Variants in ZNF318 observed in about 807,000 individuals in gnomAD.
ZNF318 encodes zinc finger protein 318.
A neutral mutation model predicts 124.2 loss-of-function variants in ZNF318; 51 were observed. That is an observed-to-expected ratio of 0.41 (90% CI 0.33 to 0.52). ZNF318 has a LOEUF of 0.52. Among genes scored for constraint, ZNF318 ranks in the 20% least tolerant of loss-of-function variants. The pLI, the probability that ZNF318 is intolerant of heterozygous loss-of-function variation, is 0.23. For missense variants in ZNF318, 2,815 were observed against 2,811.2 expected, an observed-to-expected ratio of 1.00 and a Z score of -0.03; for synonymous variants, 1,090 against 1,040.7, an observed-to-expected ratio of 1.05 and a Z score of -0.91.
chr6:43,350,059 G>A (rs1364697616), intron 5 of ZNF318, among the ~76,000 whole-genome samples: 2 of 152,164 alleles, frequency 1.3e-5, no homozygotes, highest in African/African-American at 4.8e-5. Context: ...AGACCAACCT[G>A]GCCAACAGGG....
chr6:43,348,511 T>G lies in ZNF318; in HGVS notation c.2885A>C (p.Glu962Ala). Residue 962 changes from glutamate (E) to alanine (A), a missense_variant, in exon 6 of 10, where the codon GAG becomes GCG. Around this residue, in one of 4 missense-constraint regions of ZNF318, gnomAD observed 1,377 missense variants for 1,353.5 expected, o/e 1.02. Coordinates refer to ENST00000361428, the MANE Select transcript of ZNF318 (RefSeq NM_014345.3). ...IMKDIAELRQ[E>A]AEEAEKKQSE... is the part of the protein sequence containing the mutation. ...TTGCTTCTTTTCTGCCTCTTCTGCCTCTTGCCGTAGCTCTGCAATGTCCTT... is the reference window on the plus strand; with the variant it reads ...TTGCTTCTTTTCTGCCTCTTCTGCCGCTTGCCGTAGCTCTGCAATGTCCTT... 6.2e-7 allele frequency: 1 copy of G among 1,614,220 alleles called. No homozygotes were observed. The highest frequency in any genetic ancestry group is 8.5e-7 in the Non-Finnish European group (1 of 1,180,038).
rs1355822275 is a variant in ZNF318 at position 43,337,056 on chromosome 6, G to C, written c.*102C>G. The stretch of plus-strand genomic sequence containing the variant: ...CTTTAAGATGCTGACTGCATCTCTT[G>C]GTGTAGGTTCCAGATGAGATAACAA... On this transcript the variant is annotated 3_prime_UTR_variant, in exon 10 of 10. Coordinates refer to ENST00000361428, the MANE Select transcript of ZNF318 (RefSeq NM_014345.3). The C allele has an allele frequency of 2.7e-6, 3 of 1,108,592 alleles. No homozygotes were observed. The highest frequency in any genetic ancestry group is 3.2e-5 in the Admixed American group (1 of 31,500). The allele number at this position is 1,108,592 out of a possible 1,614,324, so 68.7% of individuals were successfully genotyped here.
Position 43,339,306 on chromosome 6 carries a change from A to G in ZNF318, c.4692T>C (p.Asn1564=). 1 of 1,614,174 alleles carries G rather than the reference A, an allele frequency of 6.2e-7. No individual in the cohort carries two copies. The highest frequency in any genetic ancestry group is 8.5e-7 in the Non-Finnish European group (1 of 1,180,030). ...EKRNSCLATA[N]AKDLYDIFYS... Reference sequence around the variant, plus strand: ...AGAATATGTCATACAGGTCCTTAGCATTGGCTGTGGCTAAGCATGAATTTC... The same window carrying G: ...AGAATATGTCATACAGGTCCTTAGCGTTGGCTGTGGCTAAGCATGAATTTC... Residue 1564 remains asparagine, a synonymous_variant, in exon 10 of 10, where the codon AAT becomes AAC. Transcript: ENST00000361428. This position sits in a 1 kb window ranked among gnomAD's most constrained non-coding sequence, Gnocchi z 4.2.
chr6:43,359,743 T>C (rs994569033), intron 2 of ZNF318, among the ~76,000 whole-genome samples: 2 of 152,180 alleles, frequency 1.3e-5, no homozygotes, highest in African/African-American at 4.8e-5. Flanking sequence ...TAGGAATAAA[T>C]TTATGAAAGG....
rs143830243 is a variant in ZNF318, at chr6:43,355,169, A to G, written c.2165T>C (p.Ile722Thr). 178 of 1,614,234 alleles carry G rather than the reference A, an allele frequency of 1.1e-4. No individual in the cohort carries two copies. Among genetic ancestry groups the G allele is most frequent in the Middle Eastern group, 8.2e-4 (5 of 6,062 alleles). The change falls in exon 4 of 10, where the codon ATT becomes ACT. Residue 722 changes from isoleucine (I) to threonine (T), a missense_variant. By Grantham distance (89) the Ile-to-Thr change is moderately conservative. This residue lies in a region of ZNF318 where 1,377 missense variants were observed against 1,353.5 expected (regional missense o/e 1.02). Coordinates refer to ENST00000361428, the MANE Select transcript of ZNF318 (RefSeq NM_014345.3). ...FLKSDHPVGH[I>T]SGPEVVGSGF... ...ACTACCAACCACCTCTGGTCCTGAA[A>G]TATGACCCACTGGATGGTCAGACTT...
intron 2 of ZNF318, among the ~76,000 whole-genome samples, chr6:43,357,999 C>T (rs1013849194): frequency 1.3e-5 from 2 of 152,118 alleles, no homozygotes; most frequent in Non-Finnish European, 2.9e-5. Context: ...GTAATTTCTC[C>T]GACTAGACTT....
At chr6:43,365,581 T>C (rs1215186230) in intron 1 of ZNF318, 141 bp from the exon 2 acceptor site, 3 of 740,476 alleles carry the variant, frequency 4.1e-6, no homozygotes, top group Admixed American at 2.9e-5. Context: ...CTGAGGTGTA[T>C]AGGCCCAGGC....
chr6:43,338,914 G>T lies in ZNF318; in HGVS notation c.5084C>A (p.Thr1695Asn). ...GGAACTAGAGGTCCATATGGCCAAAGTGTCTGTCTTTGGGGTAATTGTTTC... is the reference window on the plus strand; with the variant it reads ...GGAACTAGAGGTCCATATGGCCAAATTGTCTGTCTTTGGGGTAATTGTTTC... ...PYETITPKTDTLAIWTSSSFQ... is the reference protein window; with the variant it reads ...PYETITPKTDNLAIWTSSSFQ... The change falls in exon 10 of 10, where the codon ACT becomes AAT. Residue 1695 changes from threonine to asparagine, a missense_variant. Physicochemically the swap from Thr to Asn is moderately conservative, Grantham distance 65. Coordinates refer to ENST00000361428, the MANE Select transcript of ZNF318 (RefSeq NM_014345.3). 6.2e-7 allele frequency: 1 copy of T among 1,614,100 alleles called. No individual in the cohort carries two copies. Among genetic ancestry groups the T allele is most frequent in the Non-Finnish European group, 8.5e-7 (1 of 1,180,030 alleles).
chr6:43,355,782 T>C lies in ZNF318; in HGVS notation c.1552A>G (p.Thr518Ala). The change falls in exon 4 of 10, where the codon ACC (threonine) becomes GCC (alanine). Residue 518 changes from threonine to alanine, a missense_variant. Transcript: ENST00000361428. Reference protein sequence around the residue: ...SRILSMLADSTSTQEKRRRSF... With the variant: ...SRILSMLADSASTQEKRRRSF... ...CGTCGCCTTTTTTCCTGTGTACTGGTAGAATCAGCCAACATGCTCAGAATG... is the reference window on the plus strand; with the variant it reads ...CGTCGCCTTTTTTCCTGTGTACTGGCAGAATCAGCCAACATGCTCAGAATG... 1.9e-6 allele frequency: 3 copies of C among 1,614,238 alleles called. No individual in the cohort carries two copies. Among genetic ancestry groups the C allele is most frequent in the East Asian group, 2.2e-5 (1 of 44,886 alleles).
intron 1 of ZNF318, 38 bp downstream of exon 1, chr6:43,368,928 TG>T (rs1341112981): frequency 7.6e-7 from 1 of 1,316,542 alleles, no homozygotes. Context: ...GGGAGGGGAC[TG>T]GGGGATGGAG....
Position 43,368,957 on chromosome 6 carries a change from G to A in ZNF318, c.399+10C>T, listed in dbSNP as rs1779797190. The A allele has an allele frequency of 5.0e-6, 7 of 1,393,032 alleles. No individual in the cohort carries two copies. Among genetic ancestry groups the A allele is most frequent in the Non-Finnish European group, 6.5e-6 (7 of 1,071,092 alleles). 86.3% of individuals were successfully genotyped at this position (1,393,032 alleles called of 1,614,324 possible). The stretch of plus-strand genomic sequence containing the variant: ...GGATGGAGGGAGTCCTGGACGAGGG[G>A]TGGGATTACCCGGCTGCCGCTGTCG... On this transcript the variant is annotated intron_variant, in intron 1 of 9. Transcript: ENST00000361428.
At chr6:43,360,099 C>T (rs1253196864) in intron 2 of ZNF318, among the ~76,000 whole-genome samples, 3 of 152,120 alleles carry the variant, frequency 2.0e-5, no homozygotes. Context: ...CAAGTTCATT[C>T]ACACTCCCAC....
rs1380078170 is a variant in ZNF318, at chr6:43,357,247, C to A, written c.1067G>T (p.Gly356Val). 6.2e-7 allele frequency: 1 copy of A among 1,614,208 alleles called. No individual in the cohort carries two copies. The highest frequency in any genetic ancestry group is 8.5e-7 in the Non-Finnish European group (1 of 1,180,042). The part of the protein sequence containing the change: ...GTGCSIPGLS[G>V]VLTASEPGYS... ...TCCTGGCTCCGATGCTGTTAGGACA[C>A]CTGACAATCCAGGGATGGAACAGCC... is the stretch of plus-strand genomic sequence containing the variant. The change falls in exon 3 of 10, where the codon GGT (glycine) becomes GTT (valine). Residue 356 changes from glycine to valine, a missense_variant. Coordinates refer to ENST00000361428, the MANE Select transcript of ZNF318 (RefSeq NM_014345.3).
rs933134202 is a variant in ZNF318, at chr6:43,368,951, C to A, written c.399+16G>T. On this transcript the variant is annotated intron_variant, in intron 1 of 9. Transcript: ENST00000361428. ...ACTGGGGGATGGAGGGAGTCCTGGA[C>A]GAGGGGTGGGATTACCCGGCTGCCG... is the stretch of plus-strand genomic sequence containing the variant. The A allele has an allele frequency of 6.5e-6, 9 of 1,375,142 alleles. No homozygotes were observed. The Admixed American group carries it at 2.2e-4, about 34-fold the overall frequency. The allele number at this position is 1,375,142 out of a possible 1,614,324, so 85.2% of individuals were successfully genotyped here.
At position 43,337,691 on chromosome 6, in the gene ZNF318, T is replaced by G; in HGVS notation, c.6307A>C (p.Asn2103His). The change falls in exon 10 of 10, where the codon AAC (asparagine) becomes CAC (histidine). Residue 2103 changes from asparagine to histidine, a missense_variant. By Grantham distance (68) the Asn-to-His change is moderately conservative. Transcript: ENST00000361428. ...TCTGTAAGTCCAGTTTTCAAAATGTTAGGAGAAGGGATCCTAACACTCCTG... is the reference window on the plus strand; with the variant it reads ...TCTGTAAGTCCAGTTTTCAAAATGTGAGGAGAAGGGATCCTAACACTCCTG... ...NPRSVRIPSP[N>H]ILKTGLTENV... The G allele has an allele frequency of 2.5e-6, 4 of 1,614,200 alleles. No homozygotes were observed. Among genetic ancestry groups the G allele is most frequent in the Non-Finnish European group, 3.4e-6 (4 of 1,180,028 alleles).
intron 1 of ZNF318, 91 bp from the exon 2 acceptor site, chr6:43,365,531 G>C (rs2150758285): frequency 7.2e-7 from 1 of 1,384,468 alleles, no homozygotes; most frequent in South Asian, 1.3e-5. Flanking sequence ...AGTTAGCCAG[G>C]CATGGTGGCT....
chr6:43,352,258 A>AGAGTACCTGAGAATCCT, intron 5 of ZNF318, 119 bp downstream of exon 5: 1 of 742,334 alleles, frequency 1.3e-6, no homozygotes, highest in Non-Finnish European at 2.2e-6. Flanking sequence ...TGTAAGTTTA[A>AGAGTACCTGAGAATCCT]TTACGTCAAA....
At position 43,340,841 on chromosome 6, in the gene ZNF318, T is replaced by C. The variant is rs1310870258; in HGVS notation, c.3444A>G (p.Pro1148=). 1.2e-6 allele frequency: 2 copies of C among 1,614,154 alleles called. No individual in the cohort carries two copies. Among genetic ancestry groups the C allele is most frequent in the Non-Finnish European group, 1.7e-6 (2 of 1,180,018 alleles). ...CCTTCACATGTTGCTCCCCAGAAAT[T>C]GGATCCCCCAAAAATTCCTCACAGA... ...CQLCEEFLGD[P]ISGEQHVKGH... The change falls in exon 9 of 10, where the codon CCA becomes CCG. Residue 1148 remains proline (P), a synonymous_variant. Coordinates refer to ENST00000361428, the MANE Select transcript of ZNF318 (RefSeq NM_014345.3).
intron 3 of ZNF318, 114 bp downstream of exon 3, chr6:43,357,012 C>CGGT: frequency 7.9e-7 from 1 of 1,261,010 alleles, no homozygotes; most frequent in South Asian, 1.5e-5. Context: ...CTCACAATGT[C>CGGT]GGTCCAGCAC....
Sources: gnomAD v4.1 joint callset for allele counts (sites outside exome capture counted in the v4.1 genomes callset) on GRCh38, gnomAD v4.1.1 for gene constraint, gnomAD v4.1.1 regional missense constraint, Gnocchi (gnomAD v3.1) non-coding constraint, MANE v1.5 for transcripts, NCBI Gene and HGNC (gene_info 2026-07-23, HGNC 2026-07-21) for gene names.